HIVEP3: variants seen among roughly 807,000 people sequenced by gnomAD.
HIVEP3 encodes HIVEP zinc finger 3.
Under a neutral mutation model 152.8 loss-of-function variants are expected in HIVEP3, and 49 were observed. The observed-to-expected ratio is 0.32, with a 90% CI of 0.26 to 0.41. The LOEUF is 0.41. Ranked by LOEUF, HIVEP3 falls within the 10% of genes least tolerant of loss-of-function variation. The pLI, the probability that HIVEP3 is intolerant of heterozygous loss-of-function variation, is 1.00. For missense variants in HIVEP3, 2,790 were observed against 3,103.3 expected, an observed-to-expected ratio of 0.90 and a Z score of 2.40; for synonymous variants, 1,269 against 1,289.0, an observed-to-expected ratio of 0.98 and a Z score of 0.33.
At chr1:41,983,584 G>A (rs1645306061) in intron 1 of HIVEP3, among the ~76,000 whole-genome samples, 1 of 152,096 alleles carries the variant, frequency 6.6e-6, no homozygotes, top group African/African-American at 2.4e-5. Flanking sequence ...TAAAGGTGCA[G>A]CTGGGTGGAG....
intron 6 of HIVEP3, among the ~76,000 whole-genome samples, chr1:41,522,826 C>T (rs1262298084): frequency 2.6e-5 from 4 of 152,228 alleles, no homozygotes; most frequent in Non-Finnish European, 5.9e-5. Flanking sequence ...TTTCCTGAGG[C>T]GATGGGCAGC....
At chr1:41,688,177 G>C (rs541176309) in intron 2 of HIVEP3, among the ~76,000 whole-genome samples, 2 of 152,190 alleles carry the variant, frequency 1.3e-5, no homozygotes, top group Admixed American at 1.3e-4. Context: ...TAGCCAAGCC[G>C]ATCTTCTTCA....
intron 1 of HIVEP3, among the ~76,000 whole-genome samples, chr1:41,966,846 T>C (rs374417774): frequency 6.6e-6 from 1 of 151,872 alleles, no homozygotes; most frequent in East Asian, 1.9e-4. Context: ...AATAGATGGA[T>C]GGAGGAGAAT....
chr1:41,633,401 T>C (rs572876116), intron 2 of HIVEP3, among the ~76,000 whole-genome samples: 1 of 152,168 alleles, frequency 6.6e-6, no homozygotes, highest in Admixed American at 6.5e-5. Context: ...AGCTCCTCCA[T>C]GGCAGGGCGG....
At chr1:41,671,480 C>A (rs577620817) in intron 2 of HIVEP3, among the ~76,000 whole-genome samples, 5 of 152,298 alleles carry the variant, frequency 3.3e-5, no homozygotes, top group African/African-American at 1.2e-4. Flanking sequence ...ACCAATAGGC[C>A]CTGCCATGGG....
intron 2 of HIVEP3, among the ~76,000 whole-genome samples, chr1:41,697,525 T>G (rs1347285531): frequency 6.6e-6 from 1 of 152,096 alleles, no homozygotes; most frequent in Non-Finnish European, 1.5e-5. Context: ...AATCATGATG[T>G]GGGGGCACAA....
chr1:41,932,965 T>C (rs1316140994), intron 1 of HIVEP3, among the ~76,000 whole-genome samples: 1 of 151,984 alleles, frequency 6.6e-6, no homozygotes, highest in Admixed American at 6.6e-5. Context: ...TTCATCTCCA[T>C]ACATTTGAAG....
At chr1:41,722,086 C>G (rs900532650) in intron 1 of HIVEP3, among the ~76,000 whole-genome samples, 5 of 152,192 alleles carry the variant, frequency 3.3e-5, no homozygotes, top group African/African-American at 9.7e-5. Flanking sequence ...CCTACCCCTG[C>G]CCCTGGGATC....
In HIVEP3 at chr1:41,631,495, C is replaced by G. The variant is rs548985140; in HGVS notation, c.-720-2548G>C. Among the ~76,000 whole-genome samples the G allele has an allele frequency of 8.5e-4, 130 of 152,254 alleles. 2 individuals are homozygous for G. The South Asian group carries it at 0.026, about 31-fold the overall frequency. ...AGGCCTGGGGCACTGTTACCTTTCT[C>G]CTCTTGGGCACCCTGCTTTTTATTC... On this transcript the variant is annotated intron_variant, in intron 2 of 8. Transcript: ENST00000372583.
chr1:41,749,800 G>C (rs1030768490), intron 1 of HIVEP3, among the ~76,000 whole-genome samples: 5 of 152,132 alleles, frequency 3.3e-5, no homozygotes, highest in Non-Finnish European at 7.3e-5. Flanking sequence ...TGTGCTCTAC[G>C]GAGCTCCGGG....
At chr1:42,015,757 G>A (rs1195594456) in intron 1 of HIVEP3, among the ~76,000 whole-genome samples, 1 of 152,240 alleles carries the variant, frequency 6.6e-6, no homozygotes, top group African/African-American at 2.4e-5. Flanking sequence ...GCAATGAGTA[G>A]GGAACACCCT....
At chr1:41,718,776 A>C (rs1053717667) in intron 1 of HIVEP3, among the ~76,000 whole-genome samples, 9 of 112,890 alleles carry the variant, frequency 8.0e-5, no homozygotes, top group African/African-American at 4.3e-4. Flanking sequence ...TTTCACACCC[A>C]CACACACACA....
chr1:41,570,165 GC>G (rs1644231272), intron 5 of HIVEP3, among the ~76,000 whole-genome samples: 2 of 152,188 alleles, frequency 1.3e-5, no homozygotes, highest in African/African-American at 4.8e-5. Flanking sequence ...CTGGGGCTGG[GC>G]CATGTGGAGC....
chr1:41,615,103 T>A (rs1031733048), intron 3 of HIVEP3, among the ~76,000 whole-genome samples: 1 of 152,218 alleles, frequency 6.6e-6, no homozygotes, highest in Non-Finnish European at 1.5e-5. Context: ...AATAATGCCA[T>A]CGTATTGTAT....
At chr1:41,519,489 C>T (rs1292347521) in intron 6 of HIVEP3, among the ~76,000 whole-genome samples, 3 of 152,246 alleles carry the variant, frequency 2.0e-5, no homozygotes, top group African/African-American at 7.2e-5. Context: ...CAGGATATTC[C>T]TTTGGGCCCA....
intron 1 of HIVEP3, among the ~76,000 whole-genome samples, chr1:41,897,400 A>C (rs1644546719): frequency 6.6e-6 from 1 of 152,078 alleles, no homozygotes; most frequent in Non-Finnish European, 1.5e-5. Context: ...GGAAGTGATG[A>C]GGTCATGAGG....
At chr1:41,894,990 C>A (rs149674051) in intron 1 of HIVEP3, among the ~76,000 whole-genome samples, 2 of 151,886 alleles carry the variant, frequency 1.3e-5, no homozygotes, top group African/African-American at 4.8e-5. Context: ...GACCCTCCCC[C>A]ACAACCACCC....
chr1:41,980,307 A>G (rs1334486247), intron 1 of HIVEP3, among the ~76,000 whole-genome samples: 2 of 152,252 alleles, frequency 1.3e-5, no homozygotes, highest in Non-Finnish European at 2.9e-5. Context: ...AAACAGCCCA[A>G]ATGTCTATCT....
chr1:41,710,615 T>C (rs1434499011), intron 1 of HIVEP3, among the ~76,000 whole-genome samples: 1 of 152,144 alleles, frequency 6.6e-6, no homozygotes, highest in African/African-American at 2.4e-5. Context: ...CCTCTCACAA[T>C]GAGGCGCATC....
Sources: allele counts gnomAD v4.1 joint callset (sites outside exome capture counted in the v4.1 genomes callset), GRCh38; gene constraint gnomAD v4.1.1; transcripts MANE v1.5; gene names NCBI Gene and HGNC (gene_info 2026-07-23, HGNC 2026-07-21).